The following RNLS variants were observed in gnomAD, a reference collection of about 807,000 sequenced individuals.
RNLS encodes renalase.
Under a neutral mutation model 39.8 loss-of-function variants are expected in RNLS, and 39 were observed. The observed-to-expected ratio is 0.98, with a 90% confidence interval of 0.76 to 1.28. The LOEUF is 1.28. Among genes scored for constraint, RNLS ranks in the 50% most tolerant of loss-of-function variants. RNLS has a pLI of 0.00. For synonymous variants in RNLS, 147 were observed against 150.7 expected, an observed-to-expected ratio of 0.98 and a Z score of 0.18; for missense variants, 410 against 413.3, an observed-to-expected ratio of 0.99 and a Z score of 0.07.
At chr10:88,295,644 T>C (rs1844036527) in intron 6 of RNLS, among the ~76,000 whole-genome samples, 1 of 152,218 alleles carries the variant, frequency 6.6e-6, no homozygotes, top group Non-Finnish European at 1.5e-5. Flanking sequence ...GAAAGCAATG[T>C]GGTTTGGTCA....
At chr10:88,279,656 C>T (rs556613735), downstream of RNLS, among the ~76,000 whole-genome samples, 78 of 152,250 alleles carry the variant, frequency 5.1e-4, 3 homozygotes, top group South Asian at 0.016. Flanking sequence ...CACAGTGTTT[C>T]GGAGATTCAC....
chr10:88,419,275 T>G (rs2133747798), intron 4 of RNLS, among the ~76,000 whole-genome samples: 1 of 152,340 alleles, frequency 6.6e-6, no homozygotes, highest in African/African-American at 2.4e-5. Flanking sequence ...AAGCTGATGC[T>G]TCTGAAACCT....
At chr10:88,362,807 C>T in intron 4 of RNLS, 82 bp from the exon 5 acceptor site, 1 of 1,300,642 alleles carries the variant, frequency 7.7e-7, no homozygotes, top group Non-Finnish European at 1.1e-6. Flanking sequence ...TTCCTTTAAA[C>T]CAGTTACAAC....
chr10:88,566,400 A>C (rs185425274), intron 4 of RNLS, among the ~76,000 whole-genome samples: 1 of 152,276 alleles, frequency 6.6e-6, no homozygotes, highest in East Asian at 1.9e-4. Flanking sequence ...CAAAATTGAC[A>C]GAATTGGTCC....
At chr10:88,387,034 T>C (rs1288493781) in intron 4 of RNLS, among the ~76,000 whole-genome samples, 1 of 152,220 alleles carries the variant, frequency 6.6e-6, no homozygotes, top group Non-Finnish European at 1.5e-5. Context: ...CAGAACTAAA[T>C]TTTATGTAGC....
chr10:88,572,260 T>C (rs1590042641), intron 4 of RNLS, among the ~76,000 whole-genome samples: 1 of 64,466 alleles, frequency 1.6e-5, no homozygotes, highest in Admixed American at 1.7e-4. Flanking sequence ...CCCCACCACA[T>C]GTTTTATATC....
intron 6 of RNLS, among the ~76,000 whole-genome samples, chr10:88,301,008 T>C (rs75793685): frequency 6.6e-6 from 1 of 152,206 alleles, no homozygotes; most frequent in Non-Finnish European, 1.5e-5. Flanking sequence ...ATATATTTAG[T>C]ATTTGCCCAG....
At chr10:88,451,878 A>T (rs1211508109) in intron 4 of RNLS, among the ~76,000 whole-genome samples, 1 of 152,198 alleles carries the variant, frequency 6.6e-6, no homozygotes, top group Non-Finnish European at 1.5e-5. Context: ...GGTTGACACC[A>T]TGGCAACTAG....
chr10:88,397,043 A>G (rs1384083297), intron 4 of RNLS, among the ~76,000 whole-genome samples: 1 of 151,984 alleles, frequency 6.6e-6, no homozygotes, highest in Non-Finnish European at 1.5e-5. Flanking sequence ...CCCACTTTCA[A>G]TAATGGATAG....
intron 6 of RNLS, among the ~76,000 whole-genome samples, chr10:88,289,150 T>C (rs1284893516): frequency 6.6e-6 from 1 of 152,156 alleles, no homozygotes; most frequent in East Asian, 1.9e-4. Context: ...GGTATATAAA[T>C]AAAGCTGAAG....
chr10:88,529,995 A>G (rs1847322177), intron 4 of RNLS, among the ~76,000 whole-genome samples: 1 of 152,182 alleles, frequency 6.6e-6, no homozygotes, highest in African/African-American at 2.4e-5. Flanking sequence ...TCACTTTAGC[A>G]TTTAAATATG....
At chr10:88,519,697 T>C (rs964294068) in intron 4 of RNLS, among the ~76,000 whole-genome samples, 1 of 150,564 alleles carries the variant, frequency 6.6e-6, no homozygotes, top group Non-Finnish European at 1.5e-5. Flanking sequence ...TACATAGATA[T>C]ATATCTGATA....
intron 5 of RNLS, among the ~76,000 whole-genome samples, chr10:88,333,423 C>G (rs1249043106): frequency 6.6e-6 from 1 of 152,098 alleles, no homozygotes; most frequent in Non-Finnish European, 1.5e-5. Context: ...TTCTTAATAC[C>G]CTTCCTGAAA....
At chr10:88,509,804 A>G (rs1483299772) in intron 4 of RNLS, among the ~76,000 whole-genome samples, 1 of 152,168 alleles carries the variant, frequency 6.6e-6, no homozygotes, top group Non-Finnish European at 1.5e-5. Context: ...CCTCACAGCT[A>G]TGATTATTAA....
intron 4 of RNLS, among the ~76,000 whole-genome samples, chr10:88,390,730 GGGAA>G (rs1852148122): frequency 6.6e-6 from 1 of 152,130 alleles, no homozygotes; most frequent in African/African-American, 2.4e-5. Flanking sequence ...CATTTTTCTT[GGGAA>G]GGGTGTCTCA....
chr10:88,369,021 CTT>C (rs912080041), intron 4 of RNLS, among the ~76,000 whole-genome samples: 1 of 152,048 alleles, frequency 6.6e-6, no homozygotes, highest in Non-Finnish European at 1.5e-5. Flanking sequence ...TATATTTTCT[CTT>C]TTGCAAACAG....
At chr10:88,450,842 G>A (rs919167881) in intron 4 of RNLS, among the ~76,000 whole-genome samples, 3 of 152,220 alleles carry the variant, frequency 2.0e-5, no homozygotes, top group African/African-American at 7.2e-5. Flanking sequence ...TCATATCTTT[G>A]TACATGAGTT....
At chr10:88,498,753 G>T (rs955355009) in intron 4 of RNLS, among the ~76,000 whole-genome samples, 1 of 151,918 alleles carries the variant, frequency 6.6e-6, no homozygotes, top group Non-Finnish European at 1.5e-5. Flanking sequence ...AGTTCAAAAA[G>T]AAAGACTAAT....
chr10:88,504,302 TC>T lies in RNLS; in HGVS notation c.526+68600del, dbSNP rs1687503934. On this transcript the variant is annotated intron_variant, in intron 4 of 6. Transcript: ENST00000331772. Reference sequence around the variant, plus strand: ...TACCTGTGAGAAAAAAGAAGGAAGATCTTTATGAGTTGATACTAGGGTGATT... The same window carrying T: ...TACCTGTGAGAAAAAAGAAGGAAGATTTTATGAGTTGATACTAGGGTGATT... Among the ~76,000 whole-genome samples the T allele has an allele frequency of 2.0e-5, 3 of 152,138 alleles. No individual in the cohort carries two copies. In the South Asian group the frequency reaches 6.2e-4, roughly 32 times the overall value.
Sources: gnomAD v4.1 joint callset for allele counts (sites outside exome capture counted in the v4.1 genomes callset) on GRCh38, gnomAD v4.1.1 for gene constraint, MANE v1.5 for transcripts, NCBI Gene and HGNC (gene_info 2026-07-23, HGNC 2026-07-21) for gene names.